Variants in GPR27 observed in about 807,000 individuals in gnomAD.
The protein encoded by GPR27 is probable G protein-coupled receptor 27.
A neutral mutation model predicts 2.4 loss-of-function variants in GPR27; 3 were observed. The ratio of observed to expected loss-of-function variants is 1.23; its 90% confidence interval spans 0.56 to 3.18. The LOEUF (loss-of-function observed/expected upper bound fraction) is 3.18. GPR27 is among the 30% of genes most tolerant of loss of function. The pLI, the probability that GPR27 is intolerant of heterozygous loss-of-function variation, is 0.03. For missense variants in GPR27, 526 were observed against 566.1 expected (o/e 0.93, Z 0.72); for synonymous variants, 367 against 296.4 (o/e 1.24, Z -2.45).
rs1231092701 is a variant in GPR27, at chr3:71,754,827, C to T, written c.778C>T (p.Pro260Ser). The change falls in exon 1 of 1, where the codon CCC becomes TCC. Residue 260 changes from proline to serine, a missense_variant. By Grantham distance (74) the Pro-to-Ser change is moderately conservative. This residue lies in a region of GPR27 where 98 missense variants were observed against 146.7 expected (regional missense o/e 0.67). Transcript: ENST00000304411. The surrounding 1 kb of genome is among the most constrained non-coding windows in gnomAD (Gnocchi z 5.8). Reference sequence around the variant, plus strand: ...GCCGCCCGCGCTTGTGGGCATCCGGCCCGCAGGGCCGGGCCGCGGCGCGCG... The same window carrying T: ...GCCGCCCGCGCTTGTGGGCATCCGGTCCGCAGGGCCGGGCCGCGGCGCGCG... Reference protein sequence around the residue: ...PTPPALVGIRPAGPGRGARRL... With the variant: ...PTPPALVGIRSAGPGRGARRL... The T allele has an allele frequency of 4.5e-6, 7 of 1,550,116 alleles. No individual in the cohort carries two copies. The South Asian group carries it at 5.9e-5, about 13-fold the overall frequency.
At position 71,754,020 on chromosome 3, in the gene GPR27, G is replaced by T. The variant is rs2049969377; in HGVS notation, c.-30G>T. On this transcript the variant is annotated 5_prime_UTR_variant, in exon 1 of 1. Transcript: ENST00000304411. The surrounding 1 kb of genome is among the most constrained non-coding windows in gnomAD (Gnocchi z 5.8). ...AGCGGCGAGGCAGGGGACGGCCCCG[G>T]GGCGGAGCGCACGGCCTGGTGAGGC... 8.8e-7 allele frequency: 1 copy of T among 1,138,198 alleles called. No individual in the cohort carries two copies. Among genetic ancestry groups the T allele is most frequent in the East Asian group, 4.8e-5 (1 of 20,724 alleles). 70.5% of individuals were successfully genotyped at this position (1,138,198 alleles called of 1,614,324 possible).
In GPR27 at chr3:71,755,325, C is replaced by T; in HGVS notation, c.*148C>T. On this transcript the variant is annotated 3_prime_UTR_variant, in exon 1 of 1. Transcript: ENST00000304411. ...GACAGACACTTGGATTGTACTGACT[C>T]CTTTGGGGGTGGGGTGGGTGAGGAG... 1 of 692,758 alleles carries T rather than the reference C, an allele frequency of 1.4e-6. No individual in the cohort carries two copies. The allele number at this position is 692,758 out of a possible 1,614,324, so 42.9% of individuals were successfully genotyped here. A position where few individuals can be genotyped will look rare whatever the true frequency, so the allele number is the denominator to read the frequency against.
At position 71,754,003 on chromosome 3, in the gene GPR27, G is replaced by A; in HGVS notation, c.-47G>A. On this transcript the variant is annotated 5_prime_UTR_variant, in exon 1 of 1. Transcript: ENST00000304411. The surrounding 1 kb of genome is among the most constrained non-coding windows in gnomAD (Gnocchi z 5.8). ...GCCGGGCGGCCTGCGGGAGCGGCGA[G>A]GCAGGGGACGGCCCCGGGGCGGAGC... 9.2e-7 allele frequency: 1 copy of A among 1,081,094 alleles called. No homozygotes were observed. The highest frequency in any genetic ancestry group is 1.1e-6 in the Non-Finnish European group (1 of 892,134). The allele number at this position is 1,081,094 out of a possible 1,614,324, so 67.0% of individuals were successfully genotyped here. A position where few individuals can be genotyped will look rare whatever the true frequency, so the allele number is the denominator to read the frequency against.
At position 71,755,978 on chromosome 3, in the gene GPR27, A is replaced by G. The variant is rs1337185364; in HGVS notation, c.*801A>G. 1 of 152,250 alleles carries G rather than the reference A, an allele frequency of 6.6e-6. No homozygotes were observed. Among genetic ancestry groups the G allele is most frequent in the African/African-American group, 2.4e-5 (1 of 41,454 alleles). 9.4% of individuals were successfully genotyped at this position (152,250 alleles called of 1,614,324 possible). A position where few individuals can be genotyped will look rare whatever the true frequency, so the allele number is the denominator to read the frequency against. On this transcript the variant is annotated 3_prime_UTR_variant, in exon 1 of 1. Coordinates refer to ENST00000304411, the MANE Select transcript of GPR27 (RefSeq NM_018971.3). ...TGTTTTGGTTAGTAATGATGTGGAGAAAAATACAGTATTGCATGTGTTCGT... is the reference window on the plus strand; with the variant it reads ...TGTTTTGGTTAGTAATGATGTGGAGGAAAATACAGTATTGCATGTGTTCGT...
chr3:71,754,300 CCGCGGCGGG>C lies in GPR27; in HGVS notation c.252_260del (p.Ala86_Ala88del). 8.7e-7 allele frequency: 1 copy of C among 1,151,228 alleles called. No individual in the cohort carries two copies. Among genetic ancestry groups the C allele is most frequent in the Non-Finnish European group, 1.1e-6 (1 of 938,344 alleles). 71.3% of individuals were successfully genotyped at this position (1,151,228 alleles called of 1,614,324 possible). ...ATGCTGGCGGCGCGGCGTGCGGCGG[CCGCGGCGGG>C]GGCGCCGCCGGGCGCGCTGGGCTGC... On this transcript the variant is annotated inframe_deletion, in exon 1 of 1. Coordinates refer to ENST00000304411, the MANE Select transcript of GPR27 (RefSeq NM_018971.3). The surrounding 1 kb of genome is among the most constrained non-coding windows in gnomAD (Gnocchi z 5.8).
rs756853286 is a variant in GPR27 at position 71,754,202 on chromosome 3, C to T, written c.153C>T (p.Arg51=). ...LLIVRERSLH[R]APYYLLLDLC... ...TCGTGCGGGAGCGCAGCCTGCACCG[C>T]GCCCCGTACTACCTGCTGCTCGACC... Residue 51 remains arginine, a synonymous_variant, in exon 1 of 1, where the codon CGC becomes CGT. Coordinates refer to ENST00000304411, the MANE Select transcript of GPR27 (RefSeq NM_018971.3). The surrounding 1 kb of genome is among the most constrained non-coding windows in gnomAD (Gnocchi z 5.8). The T allele has an allele frequency of 7.1e-7, 1 of 1,410,976 alleles. No individual in the cohort carries two copies. The highest frequency in any genetic ancestry group is 1.3e-5 in the South Asian group (1 of 77,568). 87.4% of individuals were successfully genotyped at this position (1,410,976 alleles called of 1,614,324 possible).
Position 71,754,681 on chromosome 3 carries a change from G to C in GPR27, c.632G>C (p.Arg211Pro). ...CGCCTGCTCTTCTTCATCCACGACC[G>C]CCGCAAGATGCGGCCCGCGCGCCTG... ...YLRLLFFIHD[R>P]RKMRPARLVP... Residue 211 changes from arginine (R) to proline (P), a missense_variant, in exon 1 of 1, where the codon CGC becomes CCC. Arg to Pro is a moderately radical substitution (Grantham distance 103, BLOSUM62 -2). Coordinates refer to ENST00000304411, the MANE Select transcript of GPR27 (RefSeq NM_018971.3). This position sits in a 1 kb window ranked among gnomAD's most constrained non-coding sequence, Gnocchi z 5.8. The C allele has an allele frequency of 6.7e-7, 1 of 1,498,238 alleles. No homozygotes were observed. 92.8% of individuals were successfully genotyped at this position (1,498,238 alleles called of 1,614,324 possible). A position where few individuals can be genotyped will look rare whatever the true frequency, so the allele number is the denominator to read the frequency against.
Position 71,754,450 on chromosome 3 carries a change from T to C in GPR27, c.401T>C (p.Leu134Pro). The change falls in exon 1 of 1, where the codon CTG becomes CCG. Residue 134 changes from leucine to proline, a missense_variant. Leu to Pro is a moderately conservative substitution (Grantham distance 98). This residue lies in a region of GPR27 where 312 missense variants were observed against 318.4 expected (regional missense o/e 0.98). Coordinates refer to ENST00000304411, the MANE Select transcript of GPR27 (RefSeq NM_018971.3). This position sits in a 1 kb window ranked among gnomAD's most constrained non-coding sequence, Gnocchi z 5.8. ...IAHHRFYAER[L>P]AGWPCAAMLV... ...CACCACCGCTTCTATGCAGAGCGCCTGGCCGGCTGGCCGTGCGCCGCCATG... is the reference window on the plus strand; with the variant it reads ...CACCACCGCTTCTATGCAGAGCGCCCGGCCGGCTGGCCGTGCGCCGCCATG... 7.5e-7 allele frequency: 1 copy of C among 1,336,860 alleles called. No individual in the cohort carries two copies. The highest frequency in any genetic ancestry group is 9.6e-7 in the Non-Finnish European group (1 of 1,038,178). The allele number at this position is 1,336,860 out of a possible 1,614,324, so 82.8% of individuals were successfully genotyped here.
rs1471072947 is a variant in GPR27 at position 71,755,104 on chromosome 3, A to C, written c.1055A>C (p.Gln352Pro). Residue 352 changes from glutamine (Q) to proline (P), a missense_variant, in exon 1 of 1, where the codon CAG (glutamine) becomes CCG (proline). By Grantham distance (76) the Gln-to-Pro change is moderately conservative. Around this residue, in one of 3 missense-constraint regions of GPR27, gnomAD observed 116 missense variants for 100.9 expected, o/e 1.15. Coordinates refer to ENST00000304411, the MANE Select transcript of GPR27 (RefSeq NM_018971.3). ...NRELRDCFRA[Q>P]FPCCQSPRTT... ...GAGCTGAGGGACTGCTTCAGGGCCC[A>C]GTTCCCCTGCTGCCAGAGCCCCCGG... is the stretch of plus-strand genomic sequence containing the variant. The C allele has an allele frequency of 6.2e-7, 1 of 1,610,266 alleles. No homozygotes were observed. Among genetic ancestry groups the C allele is most frequent in the Admixed American group, 1.7e-5 (1 of 59,970 alleles).
In GPR27 at chr3:71,754,142, G is replaced by A; in HGVS notation, c.93G>A (p.Val31=). ...KLATLSLLLC[V]SLAGNVLFAL... ...CCACGCTCAGCCTGCTGCTGTGCGT[G>A]AGCCTAGCGGGCAACGTGCTGTTCG... Residue 31 remains valine (V), a synonymous_variant, in exon 1 of 1, where the codon GTG becomes GTA. Transcript: ENST00000304411. This position sits in a 1 kb window ranked among gnomAD's most constrained non-coding sequence, Gnocchi z 5.8. The A allele has an allele frequency of 2.1e-6, 3 of 1,456,228 alleles. No individual in the cohort carries two copies. The highest frequency in any genetic ancestry group is 3.0e-5 in the East Asian group (1 of 33,240). The allele number at this position is 1,456,228 out of a possible 1,614,324, so 90.2% of individuals were successfully genotyped here.
At position 71,754,420 on chromosome 3, in the gene GPR27, TCG is replaced by T; in HGVS notation, c.375_376del (p.His126ProfsTer280). 7.4e-7 allele frequency: 1 copy of T among 1,350,648 alleles called. No individual in the cohort carries two copies. The highest frequency in any genetic ancestry group is 2.7e-5 in the Admixed American group (1 of 36,882). The allele number at this position is 1,350,648 out of a possible 1,614,324, so 83.7% of individuals were successfully genotyped here. On this transcript the variant is annotated frameshift_variant, in exon 1 of 1. Coordinates refer to ENST00000304411, the MANE Select transcript of GPR27 (RefSeq NM_018971.3). LOFTEE classifies it low-confidence loss of function (END_TRUNC). This position sits in a 1 kb window ranked among gnomAD's most constrained non-coding sequence, Gnocchi z 5.8. Reference sequence around the variant, plus strand: ...GTGGGCGTCACCCGCTACCTGGCCATCGCGCACCACCGCTTCTATGCAGAGCG... The same window carrying T: ...GTGGGCGTCACCCGCTACCTGGCCATCGCACCACCGCTTCTATGCAGAGCG...
At position 71,754,913 on chromosome 3, in the gene GPR27, C is replaced by T. The variant is rs1406787666; in HGVS notation, c.864C>T (p.Ala288=). ...TEKRLCKMFY[A]VTLLFLLLWG... is the part of the protein sequence containing the mutation. The stretch of plus-strand genomic sequence containing the variant: ...AGAGGCTGTGCAAGATGTTCTACGC[C>T]GTCACGCTGCTCTTCCTGCTCCTCT... The change falls in exon 1 of 1, where the codon GCC becomes GCT. Residue 288 remains alanine (A), a synonymous_variant. Coordinates refer to ENST00000304411, the MANE Select transcript of GPR27 (RefSeq NM_018971.3). The surrounding 1 kb of genome is among the most constrained non-coding windows in gnomAD (Gnocchi z 5.8). 2 of 1,613,414 alleles carry T rather than the reference C, an allele frequency of 1.2e-6. No homozygotes were observed. The highest frequency in any genetic ancestry group is 1.7e-6 in the Non-Finnish European group (2 of 1,179,804).
At position 71,754,175 on chromosome 3, in the gene GPR27, G is replaced by A. The variant is rs765142965; in HGVS notation, c.126G>A (p.Leu42=). 6 of 1,447,188 alleles carry A rather than the reference G, an allele frequency of 4.1e-6. No homozygotes were observed. The East Asian group carries it at 1.5e-4, about 37-fold the overall frequency. The allele number at this position is 1,447,188 out of a possible 1,614,324, so 89.6% of individuals were successfully genotyped here. The part of the protein sequence containing the change: ...SLAGNVLFAL[L]IVRERSLHRA... The stretch of plus-strand genomic sequence containing the variant: ...CGGGCAACGTGCTGTTCGCGCTGCT[G>A]ATCGTGCGGGAGCGCAGCCTGCACC... The change falls in exon 1 of 1, where the codon CTG becomes CTA. Residue 42 remains leucine, a synonymous_variant. Coordinates refer to ENST00000304411, the MANE Select transcript of GPR27 (RefSeq NM_018971.3). The surrounding 1 kb of genome is among the most constrained non-coding windows in gnomAD (Gnocchi z 5.8).
At position 71,756,483 on chromosome 3, in the gene GPR27, A is replaced by G. The variant is rs1435534440; in HGVS notation, c.*1306A>G. ...CTTTGCATTATACAAATATACCAGT[A>G]TTTTCATTCTGGAGTGGTTGTTTTG... is the stretch of plus-strand genomic sequence containing the variant. On this transcript the variant is annotated 3_prime_UTR_variant, in exon 1 of 1. Transcript: ENST00000304411. 6.6e-6 allele frequency: 1 copy of G among 152,048 alleles called. No homozygotes were observed. Among genetic ancestry groups the G allele is most frequent in the African/African-American group, 2.4e-5 (1 of 41,392 alleles). 9.4% of individuals were successfully genotyped at this position (152,048 alleles called of 1,614,324 possible).
In GPR27 at chr3:71,754,208, G is replaced by A. The variant is rs973629714; in HGVS notation, c.159G>A (p.Pro53=). Residue 53 remains proline, a synonymous_variant, in exon 1 of 1, where the codon CCG becomes CCA. Transcript: ENST00000304411. The surrounding 1 kb of genome is among the most constrained non-coding windows in gnomAD (Gnocchi z 5.8). The stretch of plus-strand genomic sequence containing the variant: ...GGGAGCGCAGCCTGCACCGCGCCCC[G>A]TACTACCTGCTGCTCGACCTGTGCC... ...IVRERSLHRA[P]YYLLLDLCLA... is the part of the protein sequence containing the mutation. The A allele has an allele frequency of 4.3e-6, 6 of 1,401,954 alleles. No individual in the cohort carries two copies. Among genetic ancestry groups the A allele is most frequent in the South Asian group, 1.3e-5 (1 of 76,396 alleles). 86.8% of individuals were successfully genotyped at this position (1,401,954 alleles called of 1,614,324 possible). A position where few individuals can be genotyped will look rare whatever the true frequency, so the allele number is the denominator to read the frequency against.
chr3:71,754,176 A>G lies in GPR27; in HGVS notation c.127A>G (p.Ile43Val). 1 of 1,446,716 alleles carries G rather than the reference A, an allele frequency of 6.9e-7. No homozygotes were observed. Among genetic ancestry groups the G allele is most frequent in the Non-Finnish European group, 9.2e-7 (1 of 1,089,270 alleles). The allele number at this position is 1,446,716 out of a possible 1,614,324, so 89.6% of individuals were successfully genotyped here. ...LAGNVLFALL[I>V]VRERSLHRAP... ...GGGCAACGTGCTGTTCGCGCTGCTG[A>G]TCGTGCGGGAGCGCAGCCTGCACCG... Residue 43 changes from isoleucine (I) to valine (V), a missense_variant, in exon 1 of 1, where the codon ATC becomes GTC. This residue lies in a region of GPR27 where 312 missense variants were observed against 318.4 expected (regional missense o/e 0.98). Coordinates refer to ENST00000304411, the MANE Select transcript of GPR27 (RefSeq NM_018971.3). The surrounding 1 kb of genome is among the most constrained non-coding windows in gnomAD (Gnocchi z 5.8).
In GPR27 at chr3:71,755,362, GC is replaced by G; in HGVS notation, c.*188del. On this transcript the variant is annotated 3_prime_UTR_variant, in exon 1 of 1. Transcript: ENST00000304411. ...GGGTGGGTGAGGAGTAGGATGCTCA[GC>G]CCACTCCAGCTCCGCACATTCGTCC... is the stretch of plus-strand genomic sequence containing the variant. 1.7e-6 allele frequency: 1 copy of G among 597,812 alleles called. No individual in the cohort carries two copies. The highest frequency in any genetic ancestry group is 3.0e-5 in the Admixed American group (1 of 33,486). The allele number at this position is 597,812 out of a possible 1,614,324, so 37.0% of individuals were successfully genotyped here. A position where few individuals can be genotyped will look rare whatever the true frequency, so the allele number is the denominator to read the frequency against.
In GPR27 at chr3:71,754,282, C is replaced by G. The variant is rs1474737290; in HGVS notation, c.233C>G (p.Ala78Gly). 6.0e-6 allele frequency: 7 copies of G among 1,165,354 alleles called. No individual in the cohort carries two copies. The highest frequency in any genetic ancestry group is 7.4e-6 in the Non-Finnish European group (7 of 945,462). The allele number at this position is 1,165,354 out of a possible 1,614,324, so 72.2% of individuals were successfully genotyped here. A position where few individuals can be genotyped will look rare whatever the true frequency, so the allele number is the denominator to read the frequency against. The change falls in exon 1 of 1, where the codon GCG (alanine) becomes GGG (glycine). Residue 78 changes from alanine to glycine, a missense_variant. This residue lies in a region of GPR27 where 312 missense variants were observed against 318.4 expected (regional missense o/e 0.98). Transcript: ENST00000304411. The surrounding 1 kb of genome is among the most constrained non-coding windows in gnomAD (Gnocchi z 5.8). ...ALACLPAVML[A>G]ARRAAAAAGA... ...GCCTGCCTCCCGGCCGTCATGCTGG[C>G]GGCGCGGCGTGCGGCGGCCGCGGCG...
chr3:71,755,082 C>G lies in GPR27; in HGVS notation c.1033C>G (p.Leu345Val). 1 of 1,611,114 alleles carries G rather than the reference C, an allele frequency of 6.2e-7. No individual in the cohort carries two copies. Among genetic ancestry groups the G allele is most frequent in the Non-Finnish European group, 8.5e-7 (1 of 1,179,964 alleles). ...CGTGTGCTTCCTCTTCAACAGGGAGCTGAGGGACTGCTTCAGGGCCCAGTT... is the reference window on the plus strand; with the variant it reads ...CGTGTGCTTCCTCTTCAACAGGGAGGTGAGGGACTGCTTCAGGGCCCAGTT... ...PVVCFLFNRE[L>V]RDCFRAQFPC... Residue 345 changes from leucine to valine, a missense_variant, in exon 1 of 1, where the codon CTG (leucine) becomes GTG (valine). By Grantham distance (32) the Leu-to-Val change is conservative. Around this residue, in one of 3 missense-constraint regions of GPR27, gnomAD observed 116 missense variants for 100.9 expected, o/e 1.15. Transcript: ENST00000304411.
Sources: gnomAD v4.1 joint callset for allele counts on GRCh38, gnomAD v4.1.1 for gene constraint, gnomAD v4.1.1 regional missense constraint, Gnocchi (gnomAD v3.1) non-coding constraint, MANE v1.5 for transcripts, NCBI Gene and HGNC (gene_info 2026-07-23, HGNC 2026-07-21) for gene names.